Variants in MTSS1 observed in about 807,000 individuals in gnomAD.
The protein encoded by MTSS1 is MTSS I-BAR domain containing 1.
A neutral mutation model predicts 79.0 loss-of-function variants in MTSS1; 18 were observed. That is an observed-to-expected ratio of 0.23 (90% CI 0.16 to 0.34). The LOEUF is 0.34. Ranked by LOEUF, MTSS1 falls within the 10% of genes least tolerant of loss-of-function variation. The pLI is 1.00. For missense variants in MTSS1, 815 were observed against 986.2 expected, an observed-to-expected ratio of 0.83 and a Z score of 2.33; for synonymous variants, 341 against 368.6, an observed-to-expected ratio of 0.93 and a Z score of 0.86.
At chr8:124,601,318 T>C (rs1022923674) in intron 3 of MTSS1, among the ~76,000 whole-genome samples, 5 of 152,126 alleles carry the variant, frequency 3.3e-5, no homozygotes, top group Non-Finnish European at 5.9e-5. Flanking sequence ...CGCCTTGACC[T>C]CCCAAAGTGC....
intron 3 of MTSS1, among the ~76,000 whole-genome samples, chr8:124,627,214 A>T (rs919544): frequency 0.33 from 49,448 of 152,052 alleles, 10,656 homozygotes; most frequent in African/African-American, 0.61. Flanking sequence ...TATCTAAAAA[A>T]CTGGAATCAT....
intron 3 of MTSS1, among the ~76,000 whole-genome samples, chr8:124,630,304 G>A (rs1260274454): frequency 6.6e-6 from 1 of 151,406 alleles, no homozygotes. Flanking sequence ...CATCAACAGA[G>A]TCACCAACAG....
chr8:124,567,614 T>C, intron 7 of MTSS1: 1 of 1,394,048 alleles, frequency 7.2e-7, no homozygotes, highest in Non-Finnish European at 9.3e-7. Flanking sequence ...CAACAGAAGC[T>C]AACTTTTCCC....
At chr8:124,692,442 T>G (rs1417696415) in intron 3 of MTSS1, among the ~76,000 whole-genome samples, 2 of 152,094 alleles carry the variant, frequency 1.3e-5, no homozygotes, top group African/African-American at 4.8e-5. Context: ...GTTCTGGGCT[T>G]GAACACCAAA....
chr8:124,606,164 GTTTTTTGTT>G (rs1834831063), intron 3 of MTSS1, among the ~76,000 whole-genome samples: 1 of 106,060 alleles, frequency 9.4e-6, no homozygotes, highest in Non-Finnish European at 1.8e-5. Context: ...TCTGTGTTTG[GTTTTTTGTT>G]TTTTTTTTTT....
At chr8:124,634,648 TAG>T (rs1816661339) in intron 3 of MTSS1, among the ~76,000 whole-genome samples, 1 of 152,144 alleles carries the variant, frequency 6.6e-6, no homozygotes, top group Non-Finnish European at 1.5e-5. Context: ...ATGGGCTGAT[TAG>T]AGCCAGAAAC....
At chr8:124,640,312 A>T (rs773568271) in intron 3 of MTSS1, among the ~76,000 whole-genome samples, 10 of 152,314 alleles carry the variant, frequency 6.6e-5, no homozygotes, top group South Asian at 6.2e-4. Flanking sequence ...GTAGGAAAGG[A>T]CTAAAAAATT....
At chr8:124,558,863 C>G in intron 10 of MTSS1, 1 of 1,519,936 alleles carries the variant, frequency 6.6e-7, no homozygotes, top group East Asian at 2.5e-5. Flanking sequence ...CACGAGGGGA[C>G]CAACAGAAAC....
intron 5 of MTSS1, among the ~76,000 whole-genome samples, chr8:124,588,004 G>A (rs901872419): frequency 2.0e-5 from 3 of 152,140 alleles, no homozygotes; most frequent in Non-Finnish European, 2.9e-5. Context: ...GTTAAAGGAC[G>A]TGCACCAAAA....
At chr8:124,567,484 C>T (rs989944872) in intron 7 of MTSS1, among the ~76,000 whole-genome samples, 5 of 152,350 alleles carry the variant, frequency 3.3e-5, no homozygotes, top group African/African-American at 7.2e-5. Flanking sequence ...TGTGTTCCCA[C>T]GGGATCCTGC....
intron 2 of MTSS1, among the ~76,000 whole-genome samples, chr8:124,701,833 A>G (rs916712735): frequency 6.6e-6 from 1 of 152,238 alleles, no homozygotes; most frequent in Non-Finnish European, 1.5e-5. Flanking sequence ...GGAGTGATTC[A>G]GCTTAAATAA....
chr8:124,555,639 G>A (rs921952183), intron 13 of MTSS1, 103 bp downstream of exon 13: 1 of 1,316,392 alleles, frequency 7.6e-7, no homozygotes, highest in South Asian at 1.5e-5. Context: ...ACACCTGTTA[G>A]TTAGCGAGTG....
At position 124,727,920 on chromosome 8, in the gene MTSS1, G is replaced by A. The variant is rs143079921; in HGVS notation, c.36C>T (p.Leu12=). The change falls in exon 1 of 14, where the codon CTC becomes CTT. Residue 12 remains leucine, a synonymous_variant. Coordinates refer to ENST00000518547, the MANE Select transcript of MTSS1 (RefSeq NM_014751.6). The surrounding 1 kb of genome is among the most constrained non-coding windows in gnomAD (Gnocchi z 4.7). ...EAVIEKECSA[L]GGLFQTIISD... is the part of the protein sequence containing the mutation. ...TGATGATGGTCTGGAAGAGGCCTCCGAGCGCGCTGCATTCCTTCTCAATCA... is the reference window on the plus strand; with the variant it reads ...TGATGATGGTCTGGAAGAGGCCTCCAAGCGCGCTGCATTCCTTCTCAATCA... 16 of 1,610,098 alleles carry A rather than the reference G, an allele frequency of 9.9e-6. No homozygotes were observed. In the African/African-American group the frequency reaches 1.7e-4, roughly 18 times the overall value.
chr8:124,576,274 G>A (rs189458819), intron 6 of MTSS1, among the ~76,000 whole-genome samples: 6 of 152,238 alleles, frequency 3.9e-5, no homozygotes, highest in African/African-American at 9.6e-5. Flanking sequence ...CTTGATGGGC[G>A]AGGGGGTCAT....
chr8:124,567,504 C>T lies in MTSS1; in HGVS notation c.619-326G>A, dbSNP rs78016184. ...TCCCACGGGATCCTGCAGCACAGCC[C>T]TCTTCATACTGTGGCCCTTTTCTGA... On this transcript the variant is annotated intron_variant, in intron 7 of 13. Transcript: ENST00000518547. 3,590 of 893,928 alleles carry T rather than the reference C, an allele frequency of 4.0e-3. 43 individuals are homozygous for T. Among genetic ancestry groups the T allele is most frequent in the African/African-American group, 0.03 (1,805 of 59,250 alleles). The allele number at this position is 893,928 out of a possible 1,614,324, so 55.4% of individuals were successfully genotyped here. A position where few individuals can be genotyped will look rare whatever the true frequency, so the allele number is the denominator to read the frequency against.
At chr8:124,593,933 G>C (rs1832309610) in intron 3 of MTSS1, among the ~76,000 whole-genome samples, 1 of 152,150 alleles carries the variant, frequency 6.6e-6, no homozygotes, top group Non-Finnish European at 1.5e-5. Context: ...TACGGGTGTT[G>C]GTGCTTTAAA....
chr8:124,568,024 TC>T, intron 7 of MTSS1: 1 of 1,180,346 alleles, frequency 8.5e-7, no homozygotes. Context: ...GACGACTGGG[TC>T]CCCACCCCCA....
chr8:124,589,377 G>C (rs1392868759), intron 5 of MTSS1, among the ~76,000 whole-genome samples: 1 of 152,184 alleles, frequency 6.6e-6, no homozygotes, highest in Non-Finnish European at 1.5e-5. Flanking sequence ...GCCACTGAGG[G>C]ATCAGACTAT....
At chr8:124,695,279 A>G (rs1828605934) in intron 3 of MTSS1, among the ~76,000 whole-genome samples, 5 of 152,170 alleles carry the variant, frequency 3.3e-5, no homozygotes, top group Admixed American at 3.3e-4. Context: ...ACTTGCCCAG[A>G]AGAGATGCAC....
Sources: allele counts gnomAD v4.1 joint callset (sites outside exome capture counted in the v4.1 genomes callset), GRCh38; gene constraint gnomAD v4.1.1; non-coding constraint Gnocchi (gnomAD v3.1); transcripts MANE v1.5; gene names NCBI Gene and HGNC (gene_info 2026-07-23, HGNC 2026-07-21).